Variants in HSD17B3 observed in about 807,000 individuals in gnomAD.
HSD17B3 encodes the protein 17-beta-hydroxysteroid dehydrogenase type 3.
In HSD17B3, 29 loss-of-function variants were observed where a neutral mutation model predicts 41.1. The observed-to-expected ratio is 0.71, with a 90% CI of 0.53 to 0.96. The LOEUF is 0.96. Ranked by LOEUF, HSD17B3 falls within the 40% of genes least tolerant of loss-of-function variation. The probability of loss-of-function intolerance (pLI) is 0.00; values close to 1 mark genes in which losing one functional copy is unlikely to be tolerated. For missense variants in HSD17B3, 323 were observed against 374.6 expected (o/e 0.86, Z 1.14); for synonymous variants, 126 against 145.6 (o/e 0.87, Z 0.97).
Position 96,251,462 on chromosome 9 carries a change from T to C in HSD17B3, c.409A>G (p.Asn137Asp), listed in dbSNP as rs1238875020. 6 of 1,614,138 alleles carry C rather than the reference T, an allele frequency of 3.7e-6. No individual in the cohort carries two copies. The highest frequency in any genetic ancestry group is 5.1e-6 in the Non-Finnish European group (6 of 1,180,000). ...ILVNNVGMLP[N>D]LLPSHFLNAP... ...TTCAGGAAATGGCTTGGGAGAAGGT[T>C]TGGAAGCATTCCGACATTGTTGACT... Residue 137 changes from asparagine to aspartate, a missense_variant, in exon 5 of 11, where the codon AAC (asparagine) becomes GAC (aspartate). Asn to Asp is a conservative substitution (Grantham distance 23, BLOSUM62 1). Transcript: ENST00000375263.
At chr9:96,281,844 C>G (rs76020692) in intron 2 of HSD17B3, among the ~76,000 whole-genome samples, 551 of 152,320 alleles carry the variant, frequency 3.6e-3, no homozygotes, top group Non-Finnish European at 6.1e-3. Context: ...GTGAGCGTCT[C>G]GCCTCCCCCA....
intron 6 of HSD17B3, 115 bp downstream of exon 6, chr9:96,249,636 T>C (rs1393287790): frequency 1.1e-6 from 1 of 908,304 alleles, no homozygotes; most frequent in Non-Finnish European, 1.8e-6. Flanking sequence ...CTCAACTAAG[T>C]GTGGTTCGAT....
intron 9 of HSD17B3, 117 bp from the exon 10 acceptor site, chr9:96,241,024 G>A: frequency 8.0e-7 from 1 of 1,251,902 alleles, no homozygotes; most frequent in Non-Finnish European, 1.1e-6. Context: ...CCTAGGCAAA[G>A]TTTTAAGATC....
chr9:96,255,462 C>T (rs1223633898), intron 2 of HSD17B3, among the ~76,000 whole-genome samples: 5 of 141,134 alleles, frequency 3.5e-5, no homozygotes, highest in African/African-American at 7.8e-5. Context: ...TAATCTCGGC[C>T]CACTGCAACC....
At chr9:96,246,322 T>C (rs1205887670) in intron 7 of HSD17B3, 4 of 606,158 alleles carry the variant, frequency 6.6e-6, no homozygotes, top group Non-Finnish European at 1.2e-5. Context: ...TGCCGTTCTC[T>C]TCCTCCCTCC....
intron 9 of HSD17B3, among the ~76,000 whole-genome samples, chr9:96,243,090 C>T (rs917644092): frequency 1.1e-4 from 16 of 152,358 alleles, no homozygotes; most frequent in African/African-American, 2.4e-4. Flanking sequence ...TGTGTCAGCA[C>T]AGTGAGCCAA....
chr9:96,285,494 G>T (rs2181820), intron 2 of HSD17B3, among the ~76,000 whole-genome samples: 3 of 151,972 alleles, frequency 2.0e-5, no homozygotes, highest in Admixed American at 6.6e-5. Context: ...TAGCAACCCC[G>T]TATCAGCTTG....
chr9:96,286,539 A>G (rs986264769), intron 2 of HSD17B3, among the ~76,000 whole-genome samples: 2 of 151,318 alleles, frequency 1.3e-5, no homozygotes, highest in Non-Finnish European at 2.9e-5. Context: ...AAATACAAAA[A>G]TTTAGCCATG....
chr9:96,270,793 A>T (rs578081513), intron 2 of HSD17B3, among the ~76,000 whole-genome samples: 26 of 152,364 alleles, frequency 1.7e-4, no homozygotes, highest in African/African-American at 5.8e-4. Flanking sequence ...CCAGATGTGG[A>T]GAATAAAACT....
intron 2 of HSD17B3, among the ~76,000 whole-genome samples, chr9:96,269,600 T>C (rs1306511471): frequency 1.3e-5 from 2 of 152,056 alleles, no homozygotes; most frequent in African/African-American, 4.8e-5. Context: ...ATGATGTTGA[T>C]TTACATAAAA....
At chr9:96,300,209 GACACAC>G (rs55707445) in intron 1 of HSD17B3, among the ~76,000 whole-genome samples, 3,043 of 116,324 alleles carry the variant, frequency 0.026, 81 homozygotes, top group South Asian at 0.078. Context: ...ACCCCAAGAG[GACACAC>G]ACACACACAC....
At chr9:96,295,850 G>A (rs112409742) in intron 2 of HSD17B3, among the ~76,000 whole-genome samples, 1 of 152,108 alleles carries the variant, frequency 6.6e-6, no homozygotes, top group Non-Finnish European at 1.5e-5. Flanking sequence ...AAATTCATAT[G>A]CTGAAATCCT....
intron 6 of HSD17B3, among the ~76,000 whole-genome samples, chr9:96,248,308 A>G (rs1400126375): frequency 6.6e-6 from 1 of 152,234 alleles, no homozygotes; most frequent in African/African-American, 2.4e-5. Context: ...CTTATAGAAA[A>G]ACAACCAAAT....
At chr9:96,265,615 A>C (rs1480082007) in intron 2 of HSD17B3, among the ~76,000 whole-genome samples, 1 of 152,228 alleles carries the variant, frequency 6.6e-6, no homozygotes, top group African/African-American at 2.4e-5. Flanking sequence ...AGCCTAAAAG[A>C]GAAAGTTAAA....
chr9:96,262,903 C>T (rs964964198), intron 2 of HSD17B3, among the ~76,000 whole-genome samples: 11 of 152,166 alleles, frequency 7.2e-5, no homozygotes, highest in Non-Finnish European at 1.3e-4. Context: ...TGCCATTTAT[C>T]AGTAAGTGTA....
intron 1 of HSD17B3, among the ~76,000 whole-genome samples, chr9:96,299,328 C>A (rs1432823643): frequency 6.6e-6 from 1 of 152,176 alleles, no homozygotes; most frequent in Non-Finnish European, 1.5e-5. Context: ...ACCACACTGG[C>A]TTTAATAATT....
In HSD17B3 at chr9:96,302,152, A is replaced by T. The variant is rs907829272; in HGVS notation, c.-48T>A. On this transcript the variant is annotated 5_prime_UTR_variant, in exon 1 of 11. Transcript: ENST00000375263. ...CAGCCCTGGCCGTGGCTCTCTGTGT[A>T]TGCCTCCTGGGACCACGCTGCTCTG... 1.1e-5 allele frequency: 17 copies of T among 1,600,740 alleles called. No individual in the cohort carries two copies. The highest frequency in any genetic ancestry group is 2.7e-5 in the African/African-American group (2 of 74,396).
chr9:96,279,245 T>C (rs1025860904), intron 2 of HSD17B3, among the ~76,000 whole-genome samples: 16 of 152,192 alleles, frequency 1.1e-4, no homozygotes, highest in African/African-American at 3.6e-4. Context: ...CCCAAGGTGG[T>C]TGGGCTACAA....
intron 2 of HSD17B3, among the ~76,000 whole-genome samples, chr9:96,267,660 G>A (rs1282458117): frequency 1.6e-4 from 25 of 151,952 alleles, no homozygotes; most frequent in Admixed American, 1.6e-3. Flanking sequence ...AGATACAATT[G>A]ATGAAATCCT....
Sources: gnomAD v4.1 joint callset for allele counts (sites outside exome capture counted in the v4.1 genomes callset) on GRCh38, gnomAD v4.1.1 for gene constraint, MANE v1.5 for transcripts, NCBI Gene and HGNC (gene_info 2026-07-23, HGNC 2026-07-21) for gene names.